The following ALPK2 variants were observed in gnomAD, a reference collection of about 807,000 sequenced individuals.
ALPK2 encodes the protein alpha-protein kinase 2.
In ALPK2, 127 loss-of-function variants were observed where a neutral mutation model predicts 163.1. That is an observed-to-expected ratio of 0.78 (90% CI 0.67 to 0.90). The LOEUF (loss-of-function observed/expected upper bound fraction) is 0.90. Ranked by LOEUF, ALPK2 falls within the 40% of genes least tolerant of loss-of-function variation. The pLI is 0.00. For missense variants in ALPK2, 2,360 were observed against 2,589.6 expected, an observed-to-expected ratio of 0.91 and a Z score of 1.92; for synonymous variants, 953 against 959.1, an observed-to-expected ratio of 0.99 and a Z score of 0.12.
At position 58,529,216 on chromosome 18, in the gene ALPK2, G is replaced by C; in HGVS notation, c.5376C>G (p.Ile1792Met). 6.2e-7 allele frequency: 1 copy of C among 1,612,738 alleles called. No individual in the cohort carries two copies. Among genetic ancestry groups the C allele is most frequent in the Non-Finnish European group, 8.5e-7 (1 of 1,179,634 alleles). Residue 1792 changes from isoleucine (I) to methionine (M), a missense_variant, in exon 6 of 13, where the codon ATC becomes ATG. Coordinates refer to ENST00000361673, the MANE Select transcript of ALPK2 (RefSeq NM_052947.4). ...EGRAPVLLKKIQAEMFPEHSG... is the reference protein window; with the variant it reads ...EGRAPVLLKKMQAEMFPEHSG... ...AGTGTTCAGGGAACATCTCAGCTTG[G>C]ATCTTTTTCAGTAATACTGGAGCTA...
intron 3 of ALPK2, among the ~76,000 whole-genome samples, chr18:58,592,023 T>C (rs1424510211): frequency 1.3e-5 from 2 of 152,186 alleles, no homozygotes; most frequent in African/African-American, 4.8e-5. Context: ...AATAGTCATG[T>C]AGGAAGGGAT....
intron 10 of ALPK2, among the ~76,000 whole-genome samples, chr18:58,507,937 T>G (rs560451528): frequency 3.1e-4 from 47 of 152,332 alleles, no homozygotes; most frequent in Middle Eastern, 3.4e-3. Context: ...TCAGGTGTCA[T>G]GCAGCCAGAG....
chr18:58,492,146 G>GACAC (rs60280063), intron 12 of ALPK2, among the ~76,000 whole-genome samples: 2 of 151,312 alleles, frequency 1.3e-5, no homozygotes, highest in Non-Finnish European at 1.5e-5. Context: ...GGTCTCTTTA[G>GACAC]ACACACACAC....
chr18:58,512,964 GGT>G (rs1467619728), intron 10 of ALPK2, among the ~76,000 whole-genome samples: 1 of 136,700 alleles, frequency 7.3e-6, no homozygotes, highest in East Asian at 2.3e-4. Context: ...TTGTATGTGT[GGT>G]GTGTGTATGT....
At position 58,536,424 on chromosome 18, in the gene ALPK2, T is replaced by C; in HGVS notation, c.3763A>G (p.Thr1255Ala). Residue 1255 changes from threonine to alanine, a missense_variant, in exon 5 of 13, where the codon ACA (threonine) becomes GCA (alanine). Coordinates refer to ENST00000361673, the MANE Select transcript of ALPK2 (RefSeq NM_052947.4). ...TCTGATGCCTTGCTCTCAGAATTTG[T>C]CAGTTGTCGTGGTGGCCAGATTTCA... ...ASEIWPPRQLTNSESKASDGG... is the reference protein window; with the variant it reads ...ASEIWPPRQLANSESKASDGG... 9 of 1,614,184 alleles carry C rather than the reference T, an allele frequency of 5.6e-6. No homozygotes were observed. Among genetic ancestry groups the C allele is most frequent in the Non-Finnish European group, 6.8e-6 (8 of 1,180,018 alleles).
rs750907267 is a variant in ALPK2, at chr18:58,536,584, C to T, written c.3603G>A (p.Gly1201=). 10 of 1,613,984 alleles carry T rather than the reference C, an allele frequency of 6.2e-6. No individual in the cohort carries two copies. The highest frequency in any genetic ancestry group is 7.6e-6 in the Non-Finnish European group (9 of 1,180,024). Residue 1201 remains glycine, a synonymous_variant, in exon 5 of 13, where the codon GGG becomes GGA. Coordinates refer to ENST00000361673, the MANE Select transcript of ALPK2 (RefSeq NM_052947.4). ...TGCTCAGAGCCTGACTGTCTTCTTC[C>T]CCAGCAGTTTCAGCCACCACGGAGA... The part of the protein sequence containing the change: ...TRVSVVAETA[G]EEDSQALSNV...
chr18:58,580,714 G>C (rs1241938242), intron 3 of ALPK2, 166 bp from the exon 4 acceptor site: 8 of 668,508 alleles, frequency 1.2e-5, no homozygotes, highest in Non-Finnish European at 2.0e-5. Context: ...TGACCTCTGG[G>C]CTCCGGTGCC....
Position 58,524,065 on chromosome 18 carries a change from G to A in ALPK2, c.5502-3C>T. Reference sequence around the variant, plus strand: ...AAACAGTGGAGTTGTCCCCTGCACTGCAATGAGGAATATTCACATTGACAC... The same window carrying A: ...AAACAGTGGAGTTGTCCCCTGCACTACAATGAGGAATATTCACATTGACAC... On this transcript the variant is annotated splice_region_variant and splice_polypyrimidine_tract_variant and intron_variant, in intron 6 of 12. Coordinates refer to ENST00000361673, the MANE Select transcript of ALPK2 (RefSeq NM_052947.4). The A allele has an allele frequency of 1.2e-6, 2 of 1,610,220 alleles. No homozygotes were observed. The highest frequency in any genetic ancestry group is 1.1e-5 in the South Asian group (1 of 90,866).
Position 58,535,579 on chromosome 18 carries a change from G to A in ALPK2, c.4608C>T (p.Ser1536=). 6.2e-7 allele frequency: 1 copy of A among 1,614,182 alleles called. No individual in the cohort carries two copies. Among genetic ancestry groups the A allele is most frequent in the Non-Finnish European group, 8.5e-7 (1 of 1,180,032 alleles). ...GACAACTAGAAAGAGGTGAAGTGGG[G>A]GAAATCAATTCTGCTTTGTCCTTTT... The part of the protein sequence containing the change: ...QSKKDKAELI[S]PTSPLSSCLP... The change falls in exon 5 of 13, where the codon TCC becomes TCT. Residue 1536 remains serine (S), a synonymous_variant. Transcript: ENST00000361673.
Position 58,535,209 on chromosome 18 carries a change from G to A in ALPK2, c.4978C>T (p.Arg1660Cys), listed in dbSNP as rs534398355. 29 of 1,613,998 alleles carry A rather than the reference G, an allele frequency of 1.8e-5. No individual in the cohort carries two copies. In the South Asian group the frequency reaches 1.9e-4, roughly 10 times the overall value. Residue 1660 changes from arginine to cysteine, a missense_variant, in exon 5 of 13, where the codon CGT becomes TGT. Transcript: ENST00000361673. ...AKTLAFISGERELEKAPKLLQ... is the reference protein window; with the variant it reads ...AKTLAFISGECELEKAPKLLQ... ...AATTTAGGGGCTTTCTCTAACTCAC[G>A]TTCTCCTGAAATAAATGCCAAGGTC...
chr18:58,521,829 T>C (rs2051555507), intron 8 of ALPK2, among the ~76,000 whole-genome samples: 1 of 151,940 alleles, frequency 6.6e-6, no homozygotes, highest in African/African-American at 2.4e-5. Context: ...GGTTTCACCA[T>C]GTTGGCCAGG....
chr18:58,599,933 A>G (rs536363394), intron 3 of ALPK2, among the ~76,000 whole-genome samples: 1 of 151,600 alleles, frequency 6.6e-6, no homozygotes, highest in Admixed American at 6.6e-5. Flanking sequence ...TCAATAGTGG[A>G]AAAGATTGTC....
chr18:58,591,008 G>C (rs1357219482), intron 3 of ALPK2, among the ~76,000 whole-genome samples: 2 of 152,198 alleles, frequency 1.3e-5, no homozygotes, highest in Non-Finnish European at 2.9e-5. Context: ...GCTGGGAAGG[G>C]AAGAAGGAAG....
At chr18:58,618,528 G>T (rs952131703) in intron 1 of ALPK2, among the ~76,000 whole-genome samples, 22 of 152,118 alleles carry the variant, frequency 1.4e-4, no homozygotes, top group African/African-American at 4.8e-5. Context: ...TAAGATAATA[G>T]CAGTATCTAT....
At chr18:58,506,079 A>G (rs1225955767) in intron 10 of ALPK2, among the ~76,000 whole-genome samples, 2 of 151,952 alleles carry the variant, frequency 1.3e-5, no homozygotes, top group Non-Finnish European at 2.9e-5. Flanking sequence ...TTCCACATTT[A>G]TGTCCCCAGT....
In ALPK2 at chr18:58,535,450, C is replaced by T. The variant is rs746327481; in HGVS notation, c.4737G>A (p.Gln1579=). 1.9e-6 allele frequency: 3 copies of T among 1,614,208 alleles called. No homozygotes were observed. Among genetic ancestry groups the T allele is most frequent in the Admixed American group, 3.3e-5 (2 of 60,030 alleles). The change falls in exon 5 of 13, where the codon CAG becomes CAA. Residue 1579 remains glutamine, a synonymous_variant. Coordinates refer to ENST00000361673, the MANE Select transcript of ALPK2 (RefSeq NM_052947.4). ...TTTTCTGTGAAACAGGAAACACATA[C>T]TGACGCTTTCTGGGCTCAACTATGT... ...ENDIVEPRKR[Q]YVFPVSQKRG...
intron 4 of ALPK2, among the ~76,000 whole-genome samples, chr18:58,576,410 G>A (rs149563245): frequency 6.6e-6 from 1 of 152,140 alleles, no homozygotes; most frequent in African/African-American, 2.4e-5. Context: ...CAAATTTATT[G>A]CTATGACTAC....
At chr18:58,497,921 C>A in intron 12 of ALPK2, 128 bp downstream of exon 12, 3 of 792,686 alleles carry the variant, frequency 3.8e-6, no homozygotes, top group Admixed American at 2.1e-5. Flanking sequence ...GAATTCATTC[C>A]AAGAACATTC....
chr18:58,534,306 G>GA (rs10714070), intron 5 of ALPK2, among the ~76,000 whole-genome samples: 2 of 151,930 alleles, frequency 1.3e-5, no homozygotes, highest in African/African-American at 4.8e-5. Context: ...AAATTTGGAA[G>GA]AAAAAACCAA....
Sources: gnomAD v4.1 joint callset for allele counts (sites outside exome capture counted in the v4.1 genomes callset) on GRCh38, gnomAD v4.1.1 for gene constraint, MANE v1.5 for transcripts, NCBI Gene and HGNC (gene_info 2026-07-23, HGNC 2026-07-21) for gene names.